Variants in PXDNL observed in about 807,000 individuals in gnomAD.
The protein encoded by PXDNL is probable oxidoreductase PXDNL.
In PXDNL, 145 loss-of-function variants were observed where a neutral mutation model predicts 150.8. The observed-to-expected ratio is 0.96, with a 90% CI of 0.84 to 1.10. PXDNL has a LOEUF of 1.10. Among genes scored for constraint, PXDNL ranks in the 50% least tolerant of loss-of-function variants. The probability of loss-of-function intolerance (pLI) is 0.00; values close to 1 mark genes in which losing one functional copy is unlikely to be tolerated. For synonymous variants in PXDNL, 757 were observed against 725.7 expected (o/e 1.04, Z -0.69); for missense variants, 2,087 against 1,873.9 (o/e 1.11, Z -2.10).
At chr8:51,795,699 GTCTGTCCTGC>G (rs1327904706) in intron 1 of PXDNL, among the ~76,000 whole-genome samples, 1 of 152,176 alleles carries the variant, frequency 6.6e-6, no homozygotes, top group East Asian at 1.9e-4. Flanking sequence ...AGATGCGGGG[GTCTGTCCTGC>G]AGACCCTGAC....
Position 51,483,714 on chromosome 8 carries a change from T to C in PXDNL, c.453A>G (p.Leu151=), listed in dbSNP as rs1487172289. The C allele has an allele frequency of 2.0e-6, 3 of 1,464,496 alleles. No homozygotes were observed. Among genetic ancestry groups the C allele is most frequent in the Middle Eastern group, 1.8e-4 (1 of 5,700 alleles). 90.7% of individuals were successfully genotyped at this position (1,464,496 alleles called of 1,614,324 possible). The part of the protein sequence containing the change: ...TFGDLLRLER[L]FLHNNKLSKI... Reference sequence around the variant, plus strand: ...TAGATAATTTGTTGTTATGCAAAAATCTGAAAAAGAAAAGATAAACTTTAA... The same window carrying C: ...TAGATAATTTGTTGTTATGCAAAAACCTGAAAAAGAAAAGATAAACTTTAA... The change falls in exon 6 of 23, where the codon CTA becomes CTG. Residue 151 remains leucine, a splice_region_variant and synonymous_variant. Transcript: ENST00000356297.
intron 1 of PXDNL, among the ~76,000 whole-genome samples, chr8:51,656,011 G>A (rs188100074): frequency 7.2e-4 from 110 of 152,232 alleles, no homozygotes; most frequent in African/African-American, 2.4e-3. Context: ...TCTCTCTAAC[G>A]CAAGGAGTAT....
intron 4 of PXDNL, among the ~76,000 whole-genome samples, chr8:51,522,410 C>T (rs1306707211): frequency 1.3e-5 from 2 of 152,170 alleles, no homozygotes; most frequent in Admixed American, 1.3e-4. Context: ...CACAGGCAGA[C>T]TGGCACGCTG....
chr8:51,694,940 TGGC>T (rs945098950), intron 1 of PXDNL, among the ~76,000 whole-genome samples: 1 of 152,226 alleles, frequency 6.6e-6, no homozygotes, highest in African/African-American at 2.4e-5. Context: ...TGTCTTTTTC[TGGC>T]TACAGAGAAG....
intron 2 of PXDNL, among the ~76,000 whole-genome samples, chr8:51,608,442 G>T (rs1813919135): frequency 6.8e-6 from 1 of 147,452 alleles, no homozygotes; most frequent in African/African-American, 2.6e-5. Flanking sequence ...GGGGCCCAAA[G>T]TCATGATGTC....
chr8:51,693,796 G>A (rs570790415), intron 1 of PXDNL, among the ~76,000 whole-genome samples: 1 of 152,212 alleles, frequency 6.6e-6, no homozygotes, highest in Admixed American at 6.5e-5. Context: ...GTAACAAAAA[G>A]GAATTTGAAA....
intron 12 of PXDNL, among the ~76,000 whole-genome samples, chr8:51,445,950 A>G (rs1809661755): frequency 6.6e-6 from 1 of 151,968 alleles, no homozygotes. Context: ...TCTTCCCTAC[A>G]ATCCTTTTTC....
At chr8:51,626,463 G>C (rs183330064) in intron 2 of PXDNL, among the ~76,000 whole-genome samples, 6 of 152,142 alleles carry the variant, frequency 3.9e-5, no homozygotes, top group Admixed American at 3.3e-4. Flanking sequence ...ACTTGCAGAG[G>C]GCCCCTTCTT....
At chr8:51,679,307 T>A (rs985828114) in intron 1 of PXDNL, among the ~76,000 whole-genome samples, 8 of 152,184 alleles carry the variant, frequency 5.3e-5, no homozygotes, top group African/African-American at 1.9e-4. Context: ...TATAGTATTA[T>A]GACATCAGGT....
intron 1 of PXDNL, among the ~76,000 whole-genome samples, chr8:51,677,695 A>C (rs1180155879): frequency 6.6e-6 from 1 of 152,272 alleles, no homozygotes; most frequent in Admixed American, 6.5e-5. Context: ...CCTAAAACAT[A>C]ATGTAGAATG....
At chr8:51,679,291 C>G (rs541582030) in intron 1 of PXDNL, among the ~76,000 whole-genome samples, 3 of 152,246 alleles carry the variant, frequency 2.0e-5, no homozygotes, top group South Asian at 2.1e-4. Flanking sequence ...GTCTAGGCCT[C>G]GCACTTATAG....
chr8:51,715,546 T>C (rs1178788219), intron 1 of PXDNL, among the ~76,000 whole-genome samples: 1 of 152,228 alleles, frequency 6.6e-6, no homozygotes, highest in African/African-American at 2.4e-5. Flanking sequence ...TTAACTTCTC[T>C]GATTCTTAGC....
At chr8:51,733,384 A>G (rs949713366) in intron 1 of PXDNL, among the ~76,000 whole-genome samples, 1 of 152,208 alleles carries the variant, frequency 6.6e-6, no homozygotes, top group Non-Finnish European at 1.5e-5. Context: ...AACAAAGTAA[A>G]AGATTTGCAC....
chr8:51,320,938 C>T (rs371945543), intron 21 of PXDNL, 41 bp from the exon 22 acceptor site: 25 of 1,420,270 alleles, frequency 1.8e-5, no homozygotes, highest in South Asian at 9.2e-5. Flanking sequence ...GAAATTGAAG[C>T]GGATAGCAAC....
In PXDNL at chr8:51,372,021, C is replaced by T. The variant is rs762577648; in HGVS notation, c.3753G>A (p.Ala1251=). The T allele has an allele frequency of 1.9e-5, 30 of 1,611,938 alleles. No homozygotes were observed. The highest frequency in any genetic ancestry group is 4.4e-5 in the South Asian group (4 of 90,630). ...TPAQLTQLKQ[A]SLSRVLCDNG... is the part of the protein sequence containing the mutation. ...TGTCACAAAGCACCCGGCTCAGGGA[C>T]GCCTGCTTCAGCTGAGTGAGTTGTG... is the stretch of plus-strand genomic sequence containing the variant. Residue 1251 remains alanine (A), a synonymous_variant, in exon 19 of 23, where the codon GCG becomes GCA. Coordinates refer to ENST00000356297, the MANE Select transcript of PXDNL (RefSeq NM_144651.5).
At chr8:51,548,386 T>C (rs981955842) in intron 4 of PXDNL, among the ~76,000 whole-genome samples, 2 of 152,130 alleles carry the variant, frequency 1.3e-5, no homozygotes, top group Admixed American at 6.5e-5. Flanking sequence ...AGCCACATAG[T>C]TATCATGTTA....
intron 1 of PXDNL, among the ~76,000 whole-genome samples, chr8:51,669,641 C>G (rs1040289880): frequency 1.3e-5 from 2 of 152,104 alleles, no homozygotes; most frequent in African/African-American, 4.8e-5. Context: ...ACAACACACA[C>G]TCCAAAAGTT....
intron 1 of PXDNL, among the ~76,000 whole-genome samples, chr8:51,740,802 G>A (rs2036900038): frequency 1.3e-5 from 2 of 152,136 alleles, no homozygotes; most frequent in Admixed American, 6.5e-5. Flanking sequence ...GCATCCCGGT[G>A]ATGAAGCTAA....
intron 1 of PXDNL, among the ~76,000 whole-genome samples, chr8:51,776,157 A>T (rs1444367265): frequency 6.6e-6 from 1 of 152,154 alleles, no homozygotes; most frequent in Non-Finnish European, 1.5e-5. Flanking sequence ...TCCTGATAAG[A>T]TGTTATCAAT....
Sources: gnomAD v4.1 joint callset for allele counts (sites outside exome capture counted in the v4.1 genomes callset) on GRCh38, gnomAD v4.1.1 for gene constraint, MANE v1.5 for transcripts, NCBI Gene and HGNC (gene_info 2026-07-23, HGNC 2026-07-21) for gene names.